Variants in MAGEC3 observed in about 807,000 individuals in gnomAD.
The protein encoded by MAGEC3 is melanoma-associated antigen C3.
MAGEC3 carries 34 observed loss-of-function variants against 35.3 expected under a neutral mutation model. That is an observed-to-expected ratio of 0.96 (90% CI 0.73 to 1.28). The LOEUF is 1.28. Among genes scored for constraint, MAGEC3 ranks in the 50% most tolerant of loss-of-function variants. The pLI is 0.00. For synonymous variants in MAGEC3, 202 were observed against 185.6 expected (o/e 1.09, Z -0.72); for missense variants, 561 against 483.6 (o/e 1.16, Z -1.50).
At position 141,872,294 on chromosome X, in the gene MAGEC3, C is replaced by T. The variant is rs140118301; in HGVS notation, c.258+6689C>T. On this transcript the variant is annotated intron_variant, in intron 2 of 7. Transcript: ENST00000298296. The stretch of plus-strand genomic sequence containing the variant: ...TTAAACGCTTTGGCTTTAGGGTCTC[C>T]GTAAACCAAGTTTGGTGAGGTTGCA... Among the ~76,000 whole-genome samples the T allele has an allele frequency of 2.3e-3, 252 of 110,695 alleles. 1 individual carries two copies. Among genetic ancestry groups the T allele is most frequent in the African/African-American group, 7.6e-3 (232 of 30,386 alleles).
intron 4 of MAGEC3, among the ~76,000 whole-genome samples, chrX:141,883,020 C>T (rs983674065): frequency 2.7e-5 from 3 of 111,916 alleles, no homozygotes; most frequent in African/African-American, 9.8e-5. Context: ...CAATGGAAAA[C>T]TGCTCTGAGC....
At chrX:141,857,232 CTG>C (rs749924117) in intron 1 of MAGEC3, among the ~76,000 whole-genome samples, 1 of 109,844 alleles carries the variant, frequency 9.1e-6, no homozygotes, top group African/African-American at 3.3e-5. Flanking sequence ...GATAAGGAAA[CTG>C]GGCTCCAGAA....
intron 2 of MAGEC3, among the ~76,000 whole-genome samples, chrX:141,866,935 G>A (rs2017852915): frequency 9.0e-6 from 1 of 111,260 alleles, no homozygotes; most frequent in Non-Finnish European, 1.9e-5. Context: ...CACAAAACAA[G>A]CAAGAATGGG....
At chrX:141,855,122 A>G (rs1344191921) in intron 1 of MAGEC3, among the ~76,000 whole-genome samples, 1 of 111,131 alleles carries the variant, frequency 9.0e-6, no homozygotes, top group Non-Finnish European at 1.9e-5. Context: ...GACAGGTAAC[A>G]CGGAAAAATT....
At position 141,841,970 on chromosome X, in the gene MAGEC3, G is replaced by A. The variant is rs773685340; in HGVS notation, c.123+3532G>A. ...TTTAAAATGATGTGTATTGAAAGAA[G>A]TATTATTTTTGGGCCACGAAAATGC... On this transcript the variant is annotated intron_variant, in intron 1 of 7. Transcript: ENST00000298296. 2.2e-3 allele frequency among the ~76,000 whole-genome samples: 241 copies of A among 111,363 alleles called. 1 individual carries two copies. Among genetic ancestry groups the A allele is most frequent in the Non-Finnish European group, 3.6e-3 (188 of 52,898 alleles).
chrX:141,849,627 A>G (rs1165053136), intron 1 of MAGEC3, among the ~76,000 whole-genome samples: 1 of 111,439 alleles, frequency 9.0e-6, no homozygotes, highest in Non-Finnish European at 1.9e-5. Context: ...GTAGCCAACA[A>G]ACACGAAAAA....
At chrX:141,838,699 C>T (rs1442554756) in intron 1 of MAGEC3, 1 of 752,451 alleles carries the variant, frequency 1.3e-6, no homozygotes, top group African/African-American at 2.3e-5. Flanking sequence ...GGCTCCAGGA[C>T]AGTATGTAGT....
At chrX:141,842,839 A>G (rs1427797430) in intron 1 of MAGEC3, among the ~76,000 whole-genome samples, 1 of 111,500 alleles carries the variant, frequency 9.0e-6, no homozygotes, top group Non-Finnish European at 1.9e-5. Context: ...GCTATATAAC[A>G]TTGTTAGCTC....
intron 4 of MAGEC3, among the ~76,000 whole-genome samples, chrX:141,890,517 T>C (rs1247814812): frequency 3.6e-5 from 4 of 111,787 alleles, no homozygotes; most frequent in African/African-American, 1.3e-4. Flanking sequence ...CCTATATTGA[T>C]TGTTAAAAGG....
rs753773143 is a variant in MAGEC3 at position 141,881,626 on chromosome X, G to A, written c.739G>A (p.Asp247Asn). 1.2e-5 allele frequency: 14 copies of A among 1,211,401 alleles called. No individual in the cohort carries two copies. Among genetic ancestry groups the A allele is most frequent in the South Asian group, 3.5e-5 (2 of 56,943 alleles). The change falls in exon 4 of 8, where the codon GAC (aspartate) becomes AAC (asparagine). Residue 247 changes from aspartate to asparagine, a missense_variant. By Grantham distance (23) the Asp-to-Asn change is conservative (BLOSUM62 1). Coordinates refer to ENST00000298296, the MANE Select transcript of MAGEC3 (RefSeq NM_138702.1). ...CATTTCCCTGACAGAAGTGGACCCC[G>A]ACCATTTCTATGTCTTTGTAAACAC... is the stretch of plus-strand genomic sequence containing the variant. ...FGISLTEVDPDHFYVFVNTLD... is the reference protein window; with the variant it reads ...FGISLTEVDPNHFYVFVNTLD...
chrX:141,888,673 G>A (rs1336778225), intron 4 of MAGEC3, among the ~76,000 whole-genome samples: 1 of 111,659 alleles, frequency 9.0e-6, no homozygotes, highest in Admixed American at 9.5e-5. Flanking sequence ...CTTCCAATAG[G>A]CCCATGAACA....
intron 3 of MAGEC3, among the ~76,000 whole-genome samples, chrX:141,880,030 A>G (rs1302495096): frequency 9.0e-6 from 1 of 111,525 alleles, no homozygotes; most frequent in Non-Finnish European, 1.9e-5. Context: ...AGAGCTCCCC[A>G]GTCAGCTCAG....
At chrX:141,888,532 AAGATATTTGT>A (rs2124123051) in intron 4 of MAGEC3, among the ~76,000 whole-genome samples, 1 of 112,523 alleles carries the variant, frequency 8.9e-6, no homozygotes, top group African/African-American at 3.2e-5. Context: ...AAAAACTGTG[AAGATATTTGT>A]ATGCCATGTG....
chrX:141,896,627 C>G (rs1432337394), intron 6 of MAGEC3: 2 of 1,197,675 alleles, frequency 1.7e-6, no homozygotes, highest in Non-Finnish European at 2.3e-6. Context: ...CACACGTTTA[C>G]CTGCTGCTCC....
At position 141,881,407 on chromosome X, in the gene MAGEC3, C is replaced by T; in HGVS notation, c.520C>T (p.Pro174Ser). ...RLWGEKAGSL[P>S]ESEPLFTYTL... ...AGATACAAGTACCTGGCACAGCTTG[C>T]CAGAGAGCGAGCCCTTGTTCACTTA... Residue 174 changes from proline (P) to serine (S), a missense_variant, in exon 4 of 8, where the codon CCA (proline) becomes TCA (serine). Transcript: ENST00000298296. The T allele has an allele frequency of 8.4e-7, 1 of 1,194,074 alleles. No homozygotes were observed. The highest frequency in any genetic ancestry group is 1.1e-6 in the Non-Finnish European group (1 of 887,850).
At chrX:141,850,566 A>G (rs749322218) in intron 1 of MAGEC3, among the ~76,000 whole-genome samples, 3 of 110,498 alleles carry the variant, frequency 2.7e-5, no homozygotes, top group Non-Finnish European at 5.7e-5. Context: ...GTTCAACAAT[A>G]CCCCCACACA....
In MAGEC3 at chrX:141,895,517, CG is replaced by C. The variant is rs1342612812; in HGVS notation, c.1082del (p.Arg361GlnfsTer3). ...AGGCCACAGACAGGAAGATGGCCGCCGAGGGCTGACCGAGGCGTCCCCACAA... is the reference window on the plus strand; with the variant it reads ...AGGCCACAGACAGGAAGATGGCCGCCAGGGCTGACCGAGGCGTCCCCACAA... Reference protein sequence around the residue: ...LAGHRQEDGRRGLTEASPQQK... With the variant: ...LAGHRQEDGRXGLTEASPQQK... On this transcript the variant is annotated frameshift_variant, in exon 6 of 8. Transcript: ENST00000298296. LOFTEE classifies it high-confidence loss of function. The C allele has an allele frequency of 1.7e-6, 2 of 1,207,111 alleles. No individual in the cohort carries two copies. Among genetic ancestry groups the C allele is most frequent in the Non-Finnish European group, 2.2e-6 (2 of 893,769 alleles).
intron 2 of MAGEC3, among the ~76,000 whole-genome samples, chrX:141,869,374 GAAAC>G (rs1206912825): frequency 4.5e-5 from 5 of 112,087 alleles, no homozygotes; most frequent in African/African-American, 6.5e-5. Flanking sequence ...TAGGCAGAAA[GAAAC>G]AAACAACCTT....
intron 1 of MAGEC3, among the ~76,000 whole-genome samples, chrX:141,862,797 G>A (rs946845851): frequency 8.9e-6 from 1 of 112,055 alleles, no homozygotes; most frequent in Non-Finnish European, 1.9e-5. Context: ...AATGGTTTCA[G>A]CAGGGGTTGG....
Sources: allele counts gnomAD v4.1 joint callset (sites outside exome capture counted in the v4.1 genomes callset), GRCh38; gene constraint gnomAD v4.1.1; transcripts MANE v1.5; gene names NCBI Gene and HGNC (gene_info 2026-07-23, HGNC 2026-07-21).